The following ATP10B variants were observed in gnomAD, a reference collection of about 807,000 sequenced individuals.
The protein encoded by ATP10B is phospholipid-transporting ATPase VB.
Under a neutral mutation model 141.2 loss-of-function variants are expected in ATP10B, and 122 were observed. The observed-to-expected ratio is 0.86, with a 90% CI of 0.75 to 1.00. The LOEUF (loss-of-function observed/expected upper bound fraction) is 1.00, where lower values mean the gene tolerates loss of function less well. Ranked by LOEUF, ATP10B falls within the 50% of genes least tolerant of loss-of-function variation. ATP10B has a pLI of 0.00. For synonymous variants in ATP10B, 685 were observed against 692.0 expected, an observed-to-expected ratio of 0.99 and a Z score of 0.16; for missense variants, 1,876 against 1,825.3, an observed-to-expected ratio of 1.03 and a Z score of -0.51.
At chr5:160,819,204 A>G (rs920003699) in intron 1 of ATP10B, among the ~76,000 whole-genome samples, 7 of 152,106 alleles carry the variant, frequency 4.6e-5, no homozygotes, top group Non-Finnish European at 1.0e-4. Flanking sequence ...AATCACATAC[A>G]ATGGAGCCCC....
chr5:160,646,200 C>T (rs1321443871), intron 8 of ATP10B, among the ~76,000 whole-genome samples: 1 of 152,166 alleles, frequency 6.6e-6, no homozygotes, highest in East Asian at 1.9e-4. Flanking sequence ...GAGATTTTCA[C>T]TACCTTAGGG....
chr5:160,837,363 C>A (rs1775510005), intron 1 of ATP10B, among the ~76,000 whole-genome samples: 1 of 152,094 alleles, frequency 6.6e-6, no homozygotes, highest in Non-Finnish European at 1.5e-5. Flanking sequence ...TATTTAATTC[C>A]TCTTAGTACC....
At position 160,623,525 on chromosome 5, in the gene ATP10B, ATT is replaced by A. The variant is rs11320828; in HGVS notation, c.1621-942_1621-941del. 8.0e-3 allele frequency among the ~76,000 whole-genome samples: 1,204 copies of A among 149,602 alleles called. 11 individuals carry two copies. The highest frequency in any genetic ancestry group is 0.024 in the African/African-American group (994 of 40,882). On this transcript the variant is annotated intron_variant, in intron 13 of 25. Transcript: ENST00000327245. Reference sequence around the variant, plus strand: ...ATAAAGCAAAGATGATGCATGACCTATTTTTTTTTTTTCTTTTCCTCCTATTC... The same window carrying A: ...ATAAAGCAAAGATGATGCATGACCTATTTTTTTTTTCTTTTCCTCCTATTC...
chr5:160,580,063 G>C (rs971765751), intron 24 of ATP10B, among the ~76,000 whole-genome samples: 1 of 152,200 alleles, frequency 6.6e-6, no homozygotes, highest in Admixed American at 6.5e-5. Context: ...ATTTGGGGCT[G>C]AGACAATGGG....
At chr5:160,905,297 G>A in the ATP10B span, among the ~76,000 whole-genome samples, 4 of 152,308 alleles carry the variant, frequency 2.6e-5, no homozygotes, top group South Asian at 8.3e-4. Context: ...TTTATATTCA[G>A]CCTTGTGGCA....
At chr5:160,795,417 T>A (rs1399503845) in intron 1 of ATP10B, among the ~76,000 whole-genome samples, 1 of 152,124 alleles carries the variant, frequency 6.6e-6, no homozygotes, top group East Asian at 1.9e-4. Flanking sequence ...CCCATCTCTG[T>A]CCTAAGGTTT....
chr5:160,745,324 G>A (rs1182356600), intron 2 of ATP10B, among the ~76,000 whole-genome samples: 1 of 152,150 alleles, frequency 6.6e-6, no homozygotes, highest in Non-Finnish European at 1.5e-5. Flanking sequence ...ATATCATTCA[G>A]TATTAAAGCC....
intron 1 of ATP10B, among the ~76,000 whole-genome samples, chr5:160,819,079 C>T (rs1773908303): frequency 6.6e-6 from 1 of 152,104 alleles, no homozygotes; most frequent in African/African-American, 2.4e-5. Flanking sequence ...AGCACACCAA[C>T]ATGGCACGTG....
At chr5:160,668,188 C>T (rs7716490) in intron 7 of ATP10B, among the ~76,000 whole-genome samples, 121,581 of 148,196 alleles carry the variant, frequency 0.82, 50,150 homozygotes, top group South Asian at 0.88. Context: ...GCAGATTGTG[C>T]CACCGTACTC....
At chr5:160,879,484 T>C in the ATP10B span, among the ~76,000 whole-genome samples, 1 of 142,898 alleles carries the variant, frequency 7.0e-6, no homozygotes, top group East Asian at 2.1e-4. Context: ...CATGTATACG[T>C]ATGTAACTAA....
chr5:160,741,109 C>G (rs895197162), intron 2 of ATP10B, among the ~76,000 whole-genome samples: 1 of 152,240 alleles, frequency 6.6e-6, no homozygotes, highest in Non-Finnish European at 1.5e-5. Context: ...CTCTCCCAGG[C>G]TTGTACAAAC....
intron 1 of ATP10B, among the ~76,000 whole-genome samples, chr5:160,836,236 A>G (rs1457894927): frequency 3.3e-5 from 5 of 152,276 alleles, no homozygotes; most frequent in South Asian, 4.1e-4. Context: ...TACCCCTTCA[A>G]TTTACACACA....
chr5:160,707,849 C>G (rs1160140447), intron 3 of ATP10B, among the ~76,000 whole-genome samples: 1 of 152,138 alleles, frequency 6.6e-6, no homozygotes, highest in Non-Finnish European at 1.5e-5. Flanking sequence ...TGGCAAAATG[C>G]CCGTGGAGAC....
chr5:160,674,515 C>T (rs927286181), intron 6 of ATP10B, among the ~76,000 whole-genome samples: 1 of 152,162 alleles, frequency 6.6e-6, no homozygotes, highest in Admixed American at 6.5e-5. Flanking sequence ...TGCTGGATCC[C>T]AAGGAGGTCA....
chr5:160,636,773 C>T (rs1759409514), intron 10 of ATP10B, among the ~76,000 whole-genome samples: 1 of 151,988 alleles, frequency 6.6e-6, no homozygotes, highest in African/African-American at 2.4e-5. Context: ...TTTATCTATC[C>T]ATTCATCCAT....
At chr5:160,891,802 C>T in the ATP10B span, among the ~76,000 whole-genome samples, 2 of 152,168 alleles carry the variant, frequency 1.3e-5, no homozygotes, top group Non-Finnish European at 2.9e-5. Context: ...TAGAAAAAGA[C>T]ATTTTCCTTG....
intron 1 of ATP10B, among the ~76,000 whole-genome samples, chr5:160,832,391 G>A (rs1775150440): frequency 1.3e-5 from 2 of 152,034 alleles, no homozygotes; most frequent in South Asian, 4.2e-4. Flanking sequence ...AAAGAATAAG[G>A]TAGTTTTATA....
intron 21 of ATP10B, among the ~76,000 whole-genome samples, chr5:160,600,793 A>T (rs10071302): frequency 0.01 from 1,586 of 152,318 alleles, 28 homozygotes; most frequent in African/African-American, 0.035. Context: ...TAATTAATTC[A>T]TTGTTCAAAT....
At position 160,606,899 on chromosome 5, in the gene ATP10B, C is replaced by A. The variant is rs1418099422; in HGVS notation, c.3026G>T (p.Gly1009Val). Residue 1009 changes from glycine (G) to valine (V), a missense_variant, in exon 19 of 26, where the codon GGA (glycine) becomes GTA (valine). Physicochemically the swap from Gly to Val is moderately radical, Grantham distance 109 (BLOSUM62 -3). Transcript: ENST00000327245. ...TTCCAGAAACTTCTTCTCTAGCTTTCCCTGGAAGATGGCATTCAATGTCTT... is the reference window on the plus strand; with the variant it reads ...TTCCAGAAACTTCTTCTCTAGCTTTACCTGGAAGATGGCATTCAATGTCTT... ...DGKTLNAIFQ[G>V]KLEKKFLELT... 6.2e-7 allele frequency: 1 copy of A among 1,614,158 alleles called. No individual in the cohort carries two copies. The highest frequency in any genetic ancestry group is 1.1e-5 in the South Asian group (1 of 91,084).
Sources: gnomAD v4.1 joint callset for allele counts (sites outside exome capture counted in the v4.1 genomes callset) on GRCh38, gnomAD v4.1.1 for gene constraint, MANE v1.5 for transcripts, NCBI Gene and HGNC (gene_info 2026-07-23, HGNC 2026-07-21) for gene names.